Variants in ARHGAP23 observed in about 807,000 individuals in gnomAD.
The protein encoded by ARHGAP23 is Rho GTPase activating protein 23, also known as rho GTPase-activating protein 23.
In ARHGAP23, 34 loss-of-function variants were observed where a neutral mutation model predicts 136.3. The ratio of observed to expected loss-of-function variants is 0.25; its 90% CI spans 0.19 to 0.33. The LOEUF (loss-of-function observed/expected upper bound fraction) is 0.33. ARHGAP23 is among the 10% of genes least tolerant of loss of function. The pLI, the probability that ARHGAP23 is intolerant of heterozygous loss-of-function variation, is 1.00. For synonymous variants in ARHGAP23, 832 were observed against 920.5 expected (o/e 0.90, Z 1.74); for missense variants, 1,808 against 2,139.0 (o/e 0.85, Z 3.05).
intron 6 of ARHGAP23, among the ~76,000 whole-genome samples, chr17:38,465,909 C>T (rs1254807038): frequency 6.6e-6 from 1 of 152,116 alleles, no homozygotes; most frequent in Non-Finnish European, 1.5e-5. Flanking sequence ...GTGGCTAGGG[C>T]AGTCCTTGTC....
In ARHGAP23 at chr17:38,466,174, C is replaced by G; in HGVS notation, c.491C>G (p.Ser164Cys). Residue 164 changes from serine (S) to cysteine (C), a missense_variant, in exon 7 of 24, where the codon TCC becomes TGC. By Grantham distance (112) the Ser-to-Cys change is moderately radical. This residue lies in a region of ARHGAP23 where 859 missense variants were observed against 936.4 expected (regional missense o/e 0.92). Transcript: ENST00000622683. ...KDEDILQLAYSQDAYLKGNEP... is the reference protein window; with the variant it reads ...KDEDILQLAYCQDAYLKGNEP... ...CTCTGTGTCTCTGGCCAGGCCTACT[C>G]CCAGGATGCCTACCTGAAAGGGAAC... is the stretch of plus-strand genomic sequence containing the variant. 1.3e-6 allele frequency: 2 copies of G among 1,501,618 alleles called. No homozygotes were observed. Among genetic ancestry groups the G allele is most frequent in the Non-Finnish European group, 1.8e-6 (2 of 1,118,140 alleles). The allele number at this position is 1,501,618 out of a possible 1,614,324, so 93.0% of individuals were successfully genotyped here.
intron 2 of ARHGAP23, among the ~76,000 whole-genome samples, chr17:38,460,579 G>A (rs1329629056): frequency 6.6e-6 from 1 of 152,174 alleles, no homozygotes; most frequent in Non-Finnish European, 1.5e-5. Flanking sequence ...ATCTGTGACT[G>A]CCCGCGTCTT....
chr17:38,464,122 G>A (rs765877662), intron 6 of ARHGAP23, among the ~76,000 whole-genome samples: 6 of 152,058 alleles, frequency 3.9e-5, no homozygotes, highest in African/African-American at 1.2e-4. Context: ...CGCAAACACC[G>A]CGGCATCCTC....
At chr17:38,467,352 C>G in intron 7 of ARHGAP23, 21 bp downstream of exon 7, 1 of 1,458,480 alleles carries the variant, frequency 6.9e-7, no homozygotes, top group South Asian at 1.5e-5. Context: ...GTACATGTGG[C>G]TGTCCTGGGG....
At chr17:38,423,029 C>G (rs1245899577) in intron 1 of ARHGAP23, among the ~76,000 whole-genome samples, 1 of 152,158 alleles carries the variant, frequency 6.6e-6, no homozygotes, top group Non-Finnish European at 1.5e-5. Context: ...TCTTCCTCCC[C>G]TAGTCACTGG....
chr17:38,441,129 A>G (rs1025455134), intron 1 of ARHGAP23, among the ~76,000 whole-genome samples: 6 of 152,212 alleles, frequency 3.9e-5, no homozygotes, highest in Admixed American at 3.3e-4. Context: ...CCCCACAGGG[A>G]TCCACCAATC....
At chr17:38,489,164 G>A (rs555186338) in intron 17 of ARHGAP23, among the ~76,000 whole-genome samples, 118 of 152,358 alleles carry the variant, frequency 7.7e-4, no homozygotes, top group African/African-American at 2.5e-3. Context: ...ACAGATGTGA[G>A]CCACTGTGCC....
chr17:38,456,095 C>T (rs2039318326), intron 1 of ARHGAP23, among the ~76,000 whole-genome samples: 1 of 152,202 alleles, frequency 6.6e-6, no homozygotes, highest in Non-Finnish European at 1.5e-5. Flanking sequence ...GTCTCCCTTG[C>T]CTGGAGCTCC....
chr17:38,490,675 C>T, intron 19 of ARHGAP23, 124 bp downstream of exon 19: 4 of 765,550 alleles, frequency 5.2e-6, no homozygotes, highest in Non-Finnish European at 9.1e-6. Context: ...CGCCCTCCTC[C>T]TATGACTGCT....
At chr17:38,467,549 T>A (rs1325715201) in intron 7 of ARHGAP23, among the ~76,000 whole-genome samples, 1 of 152,190 alleles carries the variant, frequency 6.6e-6, no homozygotes. Context: ...ATCCTACCTC[T>A]CATTCATTTA....
intron 1 of ARHGAP23, among the ~76,000 whole-genome samples, chr17:38,446,030 T>C (rs1402666259): frequency 6.6e-6 from 1 of 151,626 alleles, no homozygotes; most frequent in Non-Finnish European, 1.5e-5. Context: ...CTTTTTTTTT[T>C]TTTTTTGAGA....
intron 1 of ARHGAP23, among the ~76,000 whole-genome samples, chr17:38,455,837 A>T (rs2039311615): frequency 6.6e-6 from 1 of 152,176 alleles, no homozygotes. Flanking sequence ...ACCTCAGCAG[A>T]ATTCCCAGAG....
At chr17:38,494,586 AT>A (rs939909685) in intron 20 of ARHGAP23, among the ~76,000 whole-genome samples, 15 of 152,290 alleles carry the variant, frequency 9.8e-5, no homozygotes, top group Admixed American at 2.0e-4. Flanking sequence ...ACAAAAATCC[AT>A]TAAAAAAATG....
In ARHGAP23 at chr17:38,479,872, C is replaced by A; in HGVS notation, c.2618C>A (p.Ala873Glu). The A allele has an allele frequency of 6.5e-7, 1 of 1,542,824 alleles. No individual in the cohort carries two copies. The highest frequency in any genetic ancestry group is 8.7e-7 in the Non-Finnish European group (1 of 1,144,878). The part of the protein sequence containing the change: ...ARGLRTQDLP[A>E]GSKDDSAAAP... ...GGCCTCAGGACTCAGGACCTGCCCG[C>A]AGGGAGCAAGGGTAGGAAGGTGGCC... The change falls in exon 14 of 24, where the codon GCA becomes GAA. Residue 873 changes from alanine to glutamate, a missense_variant. Physicochemically the swap from Ala to Glu is moderately radical, Grantham distance 107 (BLOSUM62 -1). Transcript: ENST00000622683.
intron 8 of ARHGAP23, 112 bp from the exon 9 acceptor site, chr17:38,469,412 C>T: frequency 6.8e-7 from 1 of 1,462,544 alleles, no homozygotes; most frequent in African/African-American, 1.4e-5. Context: ...TCCGCTTCTC[C>T]TGCGGCCCCT....
At chr17:38,480,322 T>A (rs28583864) in intron 14 of ARHGAP23, among the ~76,000 whole-genome samples, 2 of 151,890 alleles carry the variant, frequency 1.3e-5, no homozygotes, top group Non-Finnish European at 2.9e-5. Flanking sequence ...ACCAACATGG[T>A]GAAACCCCAA....
intron 3 of ARHGAP23, among the ~76,000 whole-genome samples, chr17:38,462,530 A>G (rs1426826946): frequency 6.6e-6 from 1 of 152,202 alleles, no homozygotes; most frequent in East Asian, 1.9e-4. Context: ...TACTGGGATT[A>G]CAGGCGTGAG....
chr17:38,458,132 C>T lies in ARHGAP23; in HGVS notation c.94C>T (p.Pro32Ser). The change falls in exon 2 of 24, where the codon CCT becomes TCT. Residue 32 changes from proline (P) to serine (S), a missense_variant. Physicochemically the swap from Pro to Ser is moderately conservative, Grantham distance 74 (BLOSUM62 -1). Coordinates refer to ENST00000622683, the MANE Select transcript of ARHGAP23 (RefSeq NM_001199417.2). Reference sequence around the variant, plus strand: ...ACTGGGCCCAAGAGATGGGTGCTCTCCTAGGCGCCCCTTCCCCTGGCAGGG... The same window carrying T: ...ACTGGGCCCAAGAGATGGGTGCTCTTCTAGGCGCCCCTTCCCCTGGCAGGG... Reference protein sequence around the residue: ...LPLGPRDGCSPRRPFPWQGPR... With the variant: ...LPLGPRDGCSSRRPFPWQGPR... 6.5e-7 allele frequency: 1 copy of T among 1,536,144 alleles called. No individual in the cohort carries two copies. Among genetic ancestry groups the T allele is most frequent in the Non-Finnish European group, 8.7e-7 (1 of 1,146,912 alleles).
chr17:38,439,085 G>T (rs1333590977), intron 1 of ARHGAP23, among the ~76,000 whole-genome samples: 1 of 151,936 alleles, frequency 6.6e-6, no homozygotes, highest in African/African-American at 2.4e-5. Flanking sequence ...GCTGAGGCAG[G>T]AGAATCACTT....
Sources: gnomAD v4.1 joint callset for allele counts (sites outside exome capture counted in the v4.1 genomes callset) on GRCh38, gnomAD v4.1.1 for gene constraint, gnomAD v4.1.1 regional missense constraint, MANE v1.5 for transcripts, NCBI Gene and HGNC (gene_info 2026-07-23, HGNC 2026-07-21) for gene names.